Variants in TPST1 observed in about 807,000 individuals in gnomAD.
TPST1 encodes protein-tyrosine sulfotransferase 1.
In TPST1, 20 loss-of-function variants were observed where a neutral mutation model predicts 34.8. The ratio of observed to expected loss-of-function variants is 0.57; its 90% CI spans 0.40 to 0.84. The LOEUF (loss-of-function observed/expected upper bound fraction) is 0.84. TPST1 is among the 40% of genes least tolerant of loss of function. The pLI, the probability that TPST1 is intolerant of heterozygous loss-of-function variation, is 0.00. For missense variants in TPST1, 353 were observed against 455.5 expected (o/e 0.78, Z 2.05); for synonymous variants, 152 against 159.4 (o/e 0.95, Z 0.35).
intron 1 of TPST1, among the ~76,000 whole-genome samples, chr7:66,223,135 C>G (rs1036214713): frequency 6.6e-6 from 1 of 151,924 alleles, no homozygotes; most frequent in East Asian, 1.9e-4. Flanking sequence ...TTTTTCTATT[C>G]AGTTACTTTT....
rs1415185599 is a variant in TPST1, at chr7:66,262,646, A to C, written c.845+21376A>C. On this transcript the variant is annotated intron_variant, in intron 2 of 5. Coordinates refer to ENST00000304842, the MANE Select transcript of TPST1 (RefSeq NM_003596.4). ...CTTGTGTCACTGCTGCTTCCTTCCC[A>C]CTGTTCTCTTCTCCTGTCATGAAGA... is the stretch of plus-strand genomic sequence containing the variant. Among the ~76,000 whole-genome samples the C allele has an allele frequency of 2.6e-5, 4 of 151,568 alleles. No homozygotes were observed. The East Asian group carries it at 7.7e-4, about 29-fold the overall frequency.
chr7:66,240,876 G>A lies in TPST1; in HGVS notation c.451G>A (p.Glu151Lys). ...ACTAGAAATTATCGTTAAGCATGGG[G>A]AGCCAGCCCCTTATTTATGTAATAA... ...FLLEIIVKHG[E>K]PAPYLCNKDP... Residue 151 changes from glutamate (E) to lysine (K), a missense_variant, in exon 2 of 6, where the codon GAG becomes AAG. By Grantham distance (56) the Glu-to-Lys change is moderately conservative. Coordinates refer to ENST00000304842, the MANE Select transcript of TPST1 (RefSeq NM_003596.4). 1 of 1,614,176 alleles carries A rather than the reference G, an allele frequency of 6.2e-7. No homozygotes were observed. The highest frequency in any genetic ancestry group is 8.5e-7 in the Non-Finnish European group (1 of 1,180,038).
intron 1 of TPST1, among the ~76,000 whole-genome samples, chr7:66,229,424 T>A (rs1789732142): frequency 6.6e-6 from 1 of 152,236 alleles, no homozygotes; most frequent in African/African-American, 2.4e-5. Context: ...CTGGCTTCTT[T>A]CACACAGCAT....
intron 3 of TPST1, among the ~76,000 whole-genome samples, chr7:66,340,054 G>A (rs1413651807): frequency 1.3e-5 from 2 of 151,938 alleles, no homozygotes; most frequent in Non-Finnish European, 2.9e-5. Flanking sequence ...AACATACTTC[G>A]GTGAGGTGTA....
At chr7:66,200,403 T>C (rs1201207781), upstream of TPST1, among the ~76,000 whole-genome samples, 1 of 151,430 alleles carries the variant, frequency 6.6e-6, no homozygotes, top group African/African-American at 2.4e-5. Flanking sequence ...AAGCCATCTA[T>C]ACACAGGTGA....
chr7:66,308,149 G>A (rs1029879661), intron 3 of TPST1, among the ~76,000 whole-genome samples: 25 of 152,096 alleles, frequency 1.6e-4, no homozygotes, highest in African/African-American at 6.0e-4. Flanking sequence ...TAAGCGACTT[G>A]GGCAACTTGG....
At chr7:66,337,588 C>G (rs1444532531) in intron 3 of TPST1, among the ~76,000 whole-genome samples, 3 of 152,086 alleles carry the variant, frequency 2.0e-5, no homozygotes, top group African/African-American at 7.2e-5. Context: ...GGATTACAGG[C>G]TTGAGCCACC....
rs1789115704 is a variant in TPST1, at chr7:66,205,776, TTCTC to T, written c.-102+257_-102+260del. On this transcript the variant is annotated intron_variant, in intron 1 of 5. Coordinates refer to ENST00000304842, the MANE Select transcript of TPST1 (RefSeq NM_003596.4). This position sits in a 1 kb window ranked among gnomAD's most constrained non-coding sequence, Gnocchi z 5.0. ...CGCCGGGGCCTCTCCCCTCTGCCCT[TTCTC>T]TCCCTTCTCGCAGCCCTGGGACCAC... 1 of 151,604 alleles carries T rather than the reference TTCTC, an allele frequency of 6.6e-6. No individual in the cohort carries two copies. The highest frequency in any genetic ancestry group is 1.5e-5 in the Non-Finnish European group (1 of 68,070). 9.4% of individuals were successfully genotyped at this position (151,604 alleles called of 1,614,324 possible). A position where few individuals can be genotyped will look rare whatever the true frequency, so the allele number is the denominator to read the frequency against.
At chr7:66,200,551 C>T (rs1789024405), upstream of TPST1, among the ~76,000 whole-genome samples, 1 of 151,110 alleles carries the variant, frequency 6.6e-6, no homozygotes, top group African/African-American at 2.4e-5. Context: ...TCCCGGGTAG[C>T]TGGAACTACA....
intron 1 of TPST1, among the ~76,000 whole-genome samples, chr7:66,218,654 G>A (rs748607096): frequency 6.6e-6 from 1 of 152,098 alleles, no homozygotes; most frequent in Non-Finnish European, 1.5e-5. Flanking sequence ...GACCATTCTG[G>A]CTAACACAGG....
chr7:66,266,914 G>A (rs969172973), intron 2 of TPST1, among the ~76,000 whole-genome samples: 9 of 152,156 alleles, frequency 5.9e-5, no homozygotes, highest in African/African-American at 2.2e-4. Context: ...TGAGGGGCTA[G>A]AAATGATCAC....
chr7:66,269,280 C>T (rs1366668823), intron 2 of TPST1, among the ~76,000 whole-genome samples: 1 of 152,072 alleles, frequency 6.6e-6, no homozygotes, highest in East Asian at 1.9e-4. Flanking sequence ...TGTCAGAACC[C>T]AATAGAAATT....
intron 3 of TPST1, among the ~76,000 whole-genome samples, chr7:66,305,928 T>C (rs1186875284): frequency 6.6e-6 from 1 of 152,238 alleles, no homozygotes; most frequent in East Asian, 1.9e-4. Flanking sequence ...TTCTAATCTT[T>C]GTCAAATTGA....
At chr7:66,203,080 CAAAACA>C (rs1789048752), upstream of TPST1, among the ~76,000 whole-genome samples, 1 of 151,964 alleles carries the variant, frequency 6.6e-6, no homozygotes. Flanking sequence ...AACTCCATCT[CAAAACA>C]AAAACAAACA....
chr7:66,303,918 G>A (rs540975686), intron 3 of TPST1, among the ~76,000 whole-genome samples: 25 of 152,304 alleles, frequency 1.6e-4, no homozygotes, highest in African/African-American at 5.5e-4. Flanking sequence ...GGCTCTTGGA[G>A]TTACGGCTCA....
intron 1 of TPST1, among the ~76,000 whole-genome samples, chr7:66,221,103 A>G (rs1789533800): frequency 6.6e-6 from 1 of 151,900 alleles, no homozygotes; most frequent in Non-Finnish European, 1.5e-5. Context: ...ACTGCACTCC[A>G]GCCTGGGCAA....
chr7:66,335,813 A>G (rs1792084792), intron 3 of TPST1, among the ~76,000 whole-genome samples: 1 of 152,222 alleles, frequency 6.6e-6, no homozygotes, highest in South Asian at 2.1e-4. Flanking sequence ...AAGGCCCGAA[A>G]TCACCAAAGA....
chr7:66,212,079 T>G (rs929928104), intron 1 of TPST1, among the ~76,000 whole-genome samples: 2 of 152,242 alleles, frequency 1.3e-5, no homozygotes, highest in African/African-American at 4.8e-5. Context: ...CTGTGACAGT[T>G]ACTACAGAGG....
chr7:66,252,444 C>A (rs1398468945), intron 2 of TPST1, among the ~76,000 whole-genome samples: 1 of 151,268 alleles, frequency 6.6e-6, no homozygotes, highest in African/African-American at 2.4e-5. Context: ...CAAGCTCACA[C>A]CATTCTCCTG....
Sources: gnomAD v4.1 joint callset for allele counts (sites outside exome capture counted in the v4.1 genomes callset) on GRCh38, gnomAD v4.1.1 for gene constraint, Gnocchi (gnomAD v3.1) non-coding constraint, MANE v1.5 for transcripts, NCBI Gene and HGNC (gene_info 2026-07-23, HGNC 2026-07-21) for gene names.